APLF: variants seen among roughly 807,000 people sequenced by gnomAD.
The protein encoded by APLF is aprataxin and PNKP like factor, also known as aprataxin and PNK-like factor.
A neutral mutation model predicts 55.6 loss-of-function variants in APLF; 61 were observed. The ratio of observed to expected loss-of-function variants is 1.10; its 90% CI spans 0.89 to 1.36. The LOEUF (loss-of-function observed/expected upper bound fraction) is 1.36, where lower values mean the gene tolerates loss of function less well. APLF is among the 40% of genes most tolerant of loss of function. The pLI, the probability that APLF is intolerant of heterozygous loss-of-function variation, is 0.00. For missense variants in APLF, 611 were observed against 602.5 expected (o/e 1.01, Z -0.15); for synonymous variants, 207 against 214.8 (o/e 0.96, Z 0.32).
chr2:68,514,058 T>C (rs571906800), intron 5 of APLF, among the ~76,000 whole-genome samples: 47 of 151,848 alleles, frequency 3.1e-4, no homozygotes, highest in Non-Finnish European at 5.6e-4. Context: ...CTGATTCTTT[T>C]TTCTGCCATC....
At chr2:68,571,712 G>A (rs538548019) in intron 9 of APLF, among the ~76,000 whole-genome samples, 1 of 152,284 alleles carries the variant, frequency 6.6e-6, no homozygotes, top group African/African-American at 2.4e-5. Flanking sequence ...AGTATAGTTT[G>A]AAGTCAGGTA....
At chr2:68,545,383 C>T (rs1670677339) in intron 8 of APLF, 71 bp downstream of exon 8, 1 of 1,494,484 alleles carries the variant, frequency 6.7e-7, no homozygotes, top group Non-Finnish European at 9.0e-7. Context: ...GAGAAACTGA[C>T]AGCAGCTTGT....
At chr2:68,499,918 G>A (rs1021661694) in intron 2 of APLF, among the ~76,000 whole-genome samples, 24 of 152,058 alleles carry the variant, frequency 1.6e-4, no homozygotes, top group African/African-American at 4.8e-4. Context: ...AATCTATTTG[G>A]TGTTATTAGG....
intron 7 of APLF, among the ~76,000 whole-genome samples, chr2:68,542,392 G>T (rs1438294096): frequency 1.3e-5 from 2 of 152,050 alleles, no homozygotes; most frequent in African/African-American, 4.8e-5. Flanking sequence ...TAAAATATTT[G>T]CAAATTATAT....
Position 68,578,395 on chromosome 2 carries a change from C to G in APLF, c.*373C>G. ...TTATGGAGTACTCTGCAAGTATAAC[C>G]AGGCAAAGTACATGAAAACATGCCT... On this transcript the variant is annotated 3_prime_UTR_variant, in exon 10 of 10. Coordinates refer to ENST00000303795, the MANE Select transcript of APLF (RefSeq NM_173545.3). 3.0e-6 allele frequency: 3 copies of G among 997,664 alleles called. No homozygotes were observed. Among genetic ancestry groups the G allele is most frequent in the Non-Finnish European group, 3.6e-6 (3 of 837,574 alleles). 61.8% of individuals were successfully genotyped at this position (997,664 alleles called of 1,614,324 possible). A position where few individuals can be genotyped will look rare whatever the true frequency, so the allele number is the denominator to read the frequency against.
At chr2:68,543,192 G>A (rs1266697730) in intron 7 of APLF, among the ~76,000 whole-genome samples, 7 of 152,098 alleles carry the variant, frequency 4.6e-5, no homozygotes, top group African/African-American at 1.4e-4. Flanking sequence ...GAGGAGCTGG[G>A]AAGTTGTTGT....
intron 9 of APLF, among the ~76,000 whole-genome samples, chr2:68,571,319 T>C (rs1349999056): frequency 2.0e-5 from 3 of 152,192 alleles, no homozygotes; most frequent in Admixed American, 2.0e-4. Flanking sequence ...TTTGTCAATT[T>C]TGGCTTTTGT....
chr2:68,575,212 G>A (rs1473857321), intron 9 of APLF, among the ~76,000 whole-genome samples: 1 of 152,162 alleles, frequency 6.6e-6, no homozygotes, highest in Non-Finnish European at 1.5e-5. Flanking sequence ...CTTGGAGGAG[G>A]GAGCAAGCCA....
At position 68,545,402 on chromosome 2, in the gene APLF, G is replaced by A. The variant is rs892985780; in HGVS notation, c.1286+90G>A. On this transcript the variant is annotated intron_variant, in intron 8 of 9. Coordinates refer to ENST00000303795, the MANE Select transcript of APLF (RefSeq NM_173545.3). ...AACTGACAGCAGCTTGTTATCTCAA[G>A]CCTTTTAATTTTCATTTTTAAACTT... is the stretch of plus-strand genomic sequence containing the variant. The A allele has an allele frequency of 7.0e-6, 10 of 1,419,158 alleles. No homozygotes were observed. In the African/African-American group the frequency reaches 1.3e-4, roughly 18 times the overall value. The allele number at this position is 1,419,158 out of a possible 1,614,324, so 87.9% of individuals were successfully genotyped here.
At chr2:68,475,511 A>G (rs867016952) in intron 1 of APLF, among the ~76,000 whole-genome samples, 1 of 152,182 alleles carries the variant, frequency 6.6e-6, no homozygotes, top group Non-Finnish European at 1.5e-5. Context: ...AAGCATATTC[A>G]CAAGTTCCAA....
chr2:68,485,704 A>G (rs543899410), intron 1 of APLF, among the ~76,000 whole-genome samples: 1 of 152,040 alleles, frequency 6.6e-6, no homozygotes, highest in East Asian at 1.9e-4. Context: ...GCATTCTTTT[A>G]TAAAGAAATG....
At chr2:68,489,111 C>A (rs1271977404) in intron 1 of APLF, among the ~76,000 whole-genome samples, 1 of 152,122 alleles carries the variant, frequency 6.6e-6, no homozygotes, top group Admixed American at 6.5e-5. Flanking sequence ...GTGAAAAATT[C>A]ATTCATGTGA....
At chr2:68,542,430 C>T (rs1351245989) in intron 7 of APLF, among the ~76,000 whole-genome samples, 1 of 151,980 alleles carries the variant, frequency 6.6e-6, no homozygotes, top group Admixed American at 6.6e-5. Flanking sequence ...GTCTAGAATA[C>T]ATAAAGAACT....
At chr2:68,577,272 G>A (rs1424607798) in intron 9 of APLF, among the ~76,000 whole-genome samples, 1 of 152,042 alleles carries the variant, frequency 6.6e-6, no homozygotes, top group Non-Finnish European at 1.5e-5. Flanking sequence ...TCTCCTTATT[G>A]CAGCTGTGAA....
At chr2:68,563,459 C>T (rs1671218578) in intron 8 of APLF, 1 of 722,726 alleles carries the variant, frequency 1.4e-6, no homozygotes, top group African/African-American at 1.9e-5. Flanking sequence ...GGAATGTTTT[C>T]CAGGATAATA....
chr2:68,487,134 C>T (rs1676201587), intron 1 of APLF, among the ~76,000 whole-genome samples: 1 of 152,022 alleles, frequency 6.6e-6, no homozygotes, highest in African/African-American at 2.4e-5. Flanking sequence ...TTAGGTATGC[C>T]ATTAGATAAG....
chr2:68,556,078 C>G lies in APLF; in HGVS notation c.1286+10766C>G, dbSNP rs576627566. 9.9e-5 allele frequency among the ~76,000 whole-genome samples: 15 copies of G among 152,274 alleles called. No individual in the cohort carries two copies. In the South Asian group the frequency reaches 3.1e-3, roughly 32 times the overall value. On this transcript the variant is annotated intron_variant, in intron 8 of 9. Transcript: ENST00000303795. Reference sequence around the variant, plus strand: ...CTGGATGAGATTGGAGACTATTATTCTAAGTGAAGTATCTCAGGAATGGAA... The same window carrying G: ...CTGGATGAGATTGGAGACTATTATTGTAAGTGAAGTATCTCAGGAATGGAA...
chr2:68,505,118 A>C (rs1676836235), intron 3 of APLF, among the ~76,000 whole-genome samples: 1 of 152,092 alleles, frequency 6.6e-6, no homozygotes, highest in Non-Finnish European at 1.5e-5. Flanking sequence ...GTTGCTTTTT[A>C]GTTAAATGAA....
Position 68,578,411 on chromosome 2 carries a change from A to C in APLF, c.*389A>C. ...AAGTATAACCAGGCAAAGTACATGA[A>C]AACATGCCTCTTTTCATTGTTACTG... On this transcript the variant is annotated 3_prime_UTR_variant, in exon 10 of 10. Coordinates refer to ENST00000303795, the MANE Select transcript of APLF (RefSeq NM_173545.3). 1 of 992,198 alleles carries C rather than the reference A, an allele frequency of 1.0e-6. No individual in the cohort carries two copies. Among genetic ancestry groups the C allele is most frequent in the Non-Finnish European group, 1.2e-6 (1 of 834,256 alleles). 61.5% of individuals were successfully genotyped at this position (992,198 alleles called of 1,614,324 possible). A position where few individuals can be genotyped will look rare whatever the true frequency, so the allele number is the denominator to read the frequency against.
Sources: allele counts gnomAD v4.1 joint callset (sites outside exome capture counted in the v4.1 genomes callset), GRCh38; gene constraint gnomAD v4.1.1; transcripts MANE v1.5; gene names NCBI Gene and HGNC (gene_info 2026-07-23, HGNC 2026-07-21).